Variants in ANO3 observed in about 807,000 individuals in gnomAD.
ANO3 encodes anoctamin 3, also known as anoctamin-3.
A neutral mutation model predicts 144.8 loss-of-function variants in ANO3; 99 were observed. That is an observed-to-expected ratio of 0.68 (90% CI 0.58 to 0.81). ANO3 has a LOEUF of 0.81. Among genes scored for constraint, ANO3 ranks in the 30% least tolerant of loss-of-function variants. ANO3 has a pLI of 0.00. For missense variants in ANO3, 905 were observed against 1,202.2 expected (o/e 0.75, Z 3.66); for synonymous variants, 414 against 392.6 (o/e 1.05, Z -0.64).
At chr11:26,411,662 G>A (rs781686717) in intron 1 of ANO3, among the ~76,000 whole-genome samples, 6 of 151,774 alleles carry the variant, frequency 4.0e-5, no homozygotes, top group Non-Finnish European at 4.4e-5. Context: ...CTGATACTGC[G>A]ATACTCACCA....
intron 8 of ANO3, among the ~76,000 whole-genome samples, chr11:26,532,520 A>T (rs1849399874): frequency 6.6e-6 from 1 of 152,132 alleles, no homozygotes; most frequent in Non-Finnish European, 1.5e-5. Context: ...AATAAAATTC[A>T]AATTTCTTAT....
chr11:26,408,233 AG>A (rs1857339767), intron 1 of ANO3, among the ~76,000 whole-genome samples: 1 of 151,984 alleles, frequency 6.6e-6, no homozygotes, highest in Non-Finnish European at 1.5e-5. Context: ...CATCTGACAA[AG>A]GGCTAATATC....
chr11:26,632,340 C>A (rs1852810365), intron 18 of ANO3, among the ~76,000 whole-genome samples: 1 of 151,380 alleles, frequency 6.6e-6, no homozygotes, highest in Non-Finnish European at 1.5e-5. Context: ...CATGTTGAAA[C>A]CCTGTCTCTG....
At chr11:26,206,660 A>G (rs1851799406) in intron 1 of ANO3, among the ~76,000 whole-genome samples, 1 of 152,218 alleles carries the variant, frequency 6.6e-6, no homozygotes. Context: ...ATTCTCAATC[A>G]AAATGGTATA....
At chr11:26,650,464 TATACTGAAATTAAGA>T in intron 24 of ANO3, among the ~76,000 whole-genome samples, 1 of 151,778 alleles carries the variant, frequency 6.6e-6, no homozygotes, top group Non-Finnish European at 1.5e-5. Flanking sequence ...ATGCGATTTT[TATACTGAAATTAAGA>T]TATCATTTGC....
chr11:26,212,149 T>C (rs899334571), intron 1 of ANO3, among the ~76,000 whole-genome samples: 7 of 151,990 alleles, frequency 4.6e-5, no homozygotes, highest in African/African-American at 1.5e-4. Flanking sequence ...ATGGCACGTG[T>C]ATACCTATGT....
chr11:26,424,985 CCATTAACTCGT>C (rs202223918), intron 1 of ANO3, among the ~76,000 whole-genome samples: 8,304 of 151,722 alleles, frequency 0.055, 351 homozygotes, highest in African/African-American at 0.12. Flanking sequence ...TGTGCTGCAC[CCATTAACTCGT>C]CATTTACATT....
At chr11:26,604,862 C>A (rs772647087) in intron 17 of ANO3, among the ~76,000 whole-genome samples, 3 of 152,188 alleles carry the variant, frequency 2.0e-5, no homozygotes, top group African/African-American at 4.8e-5. Flanking sequence ...CATCTGCAAA[C>A]ACAGACAATT....
chr11:26,284,747 A>G (rs534212837), intron 1 of ANO3, among the ~76,000 whole-genome samples: 6 of 151,556 alleles, frequency 4.0e-5, no homozygotes, highest in Non-Finnish European at 7.4e-5. Flanking sequence ...AAAAAAAAAT[A>G]CAAAAAAAAT....
chr11:26,336,864 CT>C (rs1391399289), intron 1 of ANO3, among the ~76,000 whole-genome samples: 1 of 152,130 alleles, frequency 6.6e-6, no homozygotes, highest in African/African-American at 2.4e-5. Context: ...GGCATTGTCT[CT>C]CATTAAAATA....
At chr11:26,352,702 G>A (rs1045003197) in intron 1 of ANO3, among the ~76,000 whole-genome samples, 2 of 151,864 alleles carry the variant, frequency 1.3e-5, no homozygotes, top group African/African-American at 4.8e-5. Context: ...CATTCTCTTT[G>A]CTTTCTTTGT....
chr11:26,245,020 T>TGTGTGTGCGCGC (rs1261271327), intron 1 of ANO3, among the ~76,000 whole-genome samples: 2 of 141,510 alleles, frequency 1.4e-5, no homozygotes, highest in South Asian at 2.3e-4. Context: ...TGTGTGTGTG[T>TGTGTGTGCGCGC]GCATGCATGC....
At position 26,332,140 on chromosome 11, in the gene ANO3, G is replaced by T; in HGVS notation, c.-136G>T. On this transcript the variant is annotated 5_prime_UTR_variant, in exon 1 of 27. Transcript: ENST00000256737. ...GCGGGCGCGTAGCCTGGAGAGCGAA[G>T]TGCCGGCTACAGCAGGTGTCGGATT... 6.5e-7 allele frequency: 1 copy of T among 1,538,004 alleles called. No individual in the cohort carries two copies.
At chr11:26,390,691 A>G (rs1429989728) in intron 1 of ANO3, among the ~76,000 whole-genome samples, 2 of 152,204 alleles carry the variant, frequency 1.3e-5, no homozygotes, top group Non-Finnish European at 2.9e-5. Context: ...ATGTATATTT[A>G]TAAGACACTG....
At chr11:26,498,950 G>A (rs1861079947) in intron 4 of ANO3, among the ~76,000 whole-genome samples, 1 of 151,914 alleles carries the variant, frequency 6.6e-6, no homozygotes, top group African/African-American at 2.4e-5. Flanking sequence ...TGTAGGAGCA[G>A]ATACATTTGT....
chr11:26,635,053 C>A lies in ANO3; in HGVS notation c.2026C>A (p.Arg676=). Residue 676 remains arginine (R), a synonymous_variant, in exon 20 of 27, where the codon CGG becomes AGG. Coordinates refer to ENST00000256737, the MANE Select transcript of ANO3 (RefSeq NM_031418.4). ...HPGKYNKLFD[R]WRLEECHPSG... ...AGGAAAATACAATAAACTTTTTGACCGGTGGAGACTGGAGGAAGTAAGTAA... is the reference window on the plus strand; with the variant it reads ...AGGAAAATACAATAAACTTTTTGACAGGTGGAGACTGGAGGAAGTAAGTAA... 1 of 1,613,312 alleles carries A rather than the reference C, an allele frequency of 6.2e-7. No homozygotes were observed.
At chr11:26,611,844 C>G (rs1178349890) in intron 17 of ANO3, among the ~76,000 whole-genome samples, 2 of 142,494 alleles carry the variant, frequency 1.4e-5, no homozygotes, top group Non-Finnish European at 3.1e-5. Context: ...GAATGGATCC[C>G]TTTATCATTA....
chr11:26,577,253 A>T (rs1851010411), intron 14 of ANO3, among the ~76,000 whole-genome samples: 1 of 152,198 alleles, frequency 6.6e-6, no homozygotes, highest in Non-Finnish European at 1.5e-5. Flanking sequence ...TATAGGTATC[A>T]GATTTTTTTT....
chr11:26,644,467 C>T (rs12279760), intron 23 of ANO3, among the ~76,000 whole-genome samples: 32,934 of 151,974 alleles, frequency 0.22, 3,762 homozygotes, highest in East Asian at 0.33. Flanking sequence ...CCTCAGGATA[C>T]ATTTCTAGAC....
Sources: allele counts gnomAD v4.1 joint callset (sites outside exome capture counted in the v4.1 genomes callset), GRCh38; gene constraint gnomAD v4.1.1; transcripts MANE v1.5; gene names NCBI Gene and HGNC (gene_info 2026-07-23, HGNC 2026-07-21).